The following RCAN3 variants were observed in gnomAD, a reference collection of about 807,000 sequenced individuals.
RCAN3 encodes calcipressin-3.
RCAN3 carries 19 observed loss-of-function variants against 21.9 expected under a neutral mutation model. The ratio of observed to expected loss-of-function variants is 0.87; its 90% CI spans 0.61 to 1.27. The LOEUF (loss-of-function observed/expected upper bound fraction) is 1.27. Ranked by LOEUF, RCAN3 falls within the 50% of genes most tolerant of loss-of-function variation. The probability of loss-of-function intolerance (pLI) is 0.00; values close to 1 mark genes in which losing one functional copy is unlikely to be tolerated. For synonymous variants in RCAN3, 114 were observed against 112.3 expected (o/e 1.01, Z -0.09); for missense variants, 240 against 300.1 (o/e 0.80, Z 1.48).
intron 2 of RCAN3, among the ~76,000 whole-genome samples, chr1:24,529,220 A>G (rs1350282024): frequency 6.6e-6 from 1 of 150,604 alleles, no homozygotes; most frequent in Admixed American, 6.6e-5. Flanking sequence ...CAGCCTGGGC[A>G]AGACATTGAG....
chr1:24,511,314 G>GAAACA (rs993834476), intron 1 of RCAN3, among the ~76,000 whole-genome samples: 1 of 152,016 alleles, frequency 6.6e-6, no homozygotes, highest in South Asian at 2.1e-4. Flanking sequence ...CTCCGTCTCA[G>GAAACA]AAACAAAACA....
At chr1:24,515,334 G>A (rs1040806157) in intron 2 of RCAN3, among the ~76,000 whole-genome samples, 1 of 151,852 alleles carries the variant, frequency 6.6e-6, no homozygotes, top group African/African-American at 2.4e-5. Context: ...AATTGTTCAC[G>A]TTTCTTGTAT....
At chr1:24,512,178 GTC>G (rs1254306090) in intron 1 of RCAN3, among the ~76,000 whole-genome samples, 2 of 151,950 alleles carry the variant, frequency 1.3e-5, no homozygotes, top group Non-Finnish European at 2.9e-5. Flanking sequence ...GTGAAACCCT[GTC>G]TCTACTAAAA....
intron 2 of RCAN3, among the ~76,000 whole-genome samples, chr1:24,528,453 A>G (rs931967984): frequency 6.6e-6 from 1 of 152,138 alleles, no homozygotes; most frequent in African/African-American, 2.4e-5. Flanking sequence ...TATTCTTTTT[A>G]TGAGGCATAT....
chr1:24,512,304 G>A (rs921473266), intron 1 of RCAN3, among the ~76,000 whole-genome samples: 10 of 151,202 alleles, frequency 6.6e-5, no homozygotes, highest in Admixed American at 2.6e-4. Context: ...AGCCAAGATC[G>A]TACTACTGCA....
intron 4 of RCAN3, 59 bp from the exon 5 acceptor site, chr1:24,535,034 A>G (rs1650115364): frequency 1.3e-6 from 2 of 1,530,268 alleles, no homozygotes; most frequent in East Asian, 2.3e-5. Context: ...CAAGGGACAA[A>G]AGAGTTCTTT....
intron 1 of RCAN3, among the ~76,000 whole-genome samples, chr1:24,505,243 T>C (rs553011742): frequency 7.0e-6 from 1 of 143,242 alleles, no homozygotes; most frequent in African/African-American, 2.7e-5. Flanking sequence ...TTTTTTTTTT[T>C]TTTTTTTTTT....
rs189597449 is a variant in RCAN3 at position 24,531,274 on chromosome 1, T to C, written c.252T>C (p.Phe84=). Reference sequence around the variant, plus strand: ...ATGACCAGGTTACTTTTCAGCTGTTTAAAAGCTTTAGAAGAGTCAGAATAA... The same window carrying C: ...ATGACCAGGTTACTTTTCAGCTGTTCAAAAGCTTTAGAAGAGTCAGAATAA... The part of the protein sequence containing the change: ...IYDDQVTFQL[F]KSFRRVRINF... The change falls in exon 3 of 5, where the codon TTT becomes TTC. Residue 84 remains phenylalanine, a synonymous_variant. Coordinates refer to ENST00000374395, the MANE Select transcript of RCAN3 (RefSeq NM_013441.4). 2.0e-4 allele frequency: 319 copies of C among 1,613,446 alleles called. No homozygotes were observed. Among genetic ancestry groups the C allele is most frequent in the Non-Finnish European group, 2.3e-4 (272 of 1,179,568 alleles).
intron 1 of RCAN3, among the ~76,000 whole-genome samples, chr1:24,506,002 T>G (rs1445716252): frequency 1.3e-5 from 2 of 152,204 alleles, no homozygotes; most frequent in Non-Finnish European, 2.9e-5. Flanking sequence ...TTGGAGTTTT[T>G]CCACTCATTT....
rs575796333 is a variant in RCAN3, at chr1:24,519,257, G to C, written c.195+4690G>C. Among the ~76,000 whole-genome samples the C allele has an allele frequency of 6.9e-5, 10 of 145,296 alleles. No individual in the cohort carries two copies. In the East Asian group the frequency reaches 2.0e-3, roughly 29 times the overall value. On this transcript the variant is annotated intron_variant, in intron 2 of 4. Coordinates refer to ENST00000374395, the MANE Select transcript of RCAN3 (RefSeq NM_013441.4). ...TTAAGAGACAAGGTCTTGCTATGTT[G>C]CCCAGACTGGTCTCAAACTCCTGGG...
intron 2 of RCAN3, among the ~76,000 whole-genome samples, chr1:24,514,891 C>T (rs769726824): frequency 6.6e-6 from 1 of 151,006 alleles, no homozygotes; most frequent in African/African-American, 2.4e-5. Flanking sequence ...ATCACTTGAA[C>T]TTGGGAGGCA....
chr1:24,507,279 C>T (rs551525181), intron 1 of RCAN3, among the ~76,000 whole-genome samples: 21 of 152,160 alleles, frequency 1.4e-4, no homozygotes, highest in Non-Finnish European at 2.5e-4. Context: ...TGTTCATGTC[C>T]TGCTGGCTTT....
At chr1:24,509,877 G>T (rs551481946) in intron 1 of RCAN3, among the ~76,000 whole-genome samples, 1 of 152,254 alleles carries the variant, frequency 6.6e-6, no homozygotes, top group Admixed American at 6.5e-5. Flanking sequence ...TCTTAAAATA[G>T]TAAGACTTGA....
At chr1:24,512,281 G>A (rs1171576606) in intron 1 of RCAN3, among the ~76,000 whole-genome samples, 1 of 151,552 alleles carries the variant, frequency 6.6e-6, no homozygotes, top group East Asian at 1.9e-4. Flanking sequence ...CCTGGGAGAC[G>A]AAGGTTGCAG....
chr1:24,533,406 C>T (rs1316712148), intron 4 of RCAN3, 152 bp downstream of exon 4: 9 of 563,244 alleles, frequency 1.6e-5, no homozygotes, highest in Admixed American at 4.0e-5. Flanking sequence ...TCTGCTTGCT[C>T]TGTGATCTTG....
chr1:24,528,299 ATC>A (rs1225211743), intron 2 of RCAN3, among the ~76,000 whole-genome samples: 1 of 152,090 alleles, frequency 6.6e-6, no homozygotes, highest in Non-Finnish European at 1.5e-5. Context: ...AACACAGAAA[ATC>A]TGAGACAAAC....
intron 1 of RCAN3, among the ~76,000 whole-genome samples, chr1:24,506,479 T>C (rs1483903152): frequency 1.3e-5 from 2 of 152,190 alleles, no homozygotes; most frequent in African/African-American, 4.8e-5. Context: ...ATGGGTTATA[T>C]AAGAAAATGA....
chr1:24,514,752 T>C (rs1273027621), intron 2 of RCAN3, among the ~76,000 whole-genome samples, 185 bp downstream of exon 2: 1 of 152,024 alleles, frequency 6.6e-6, no homozygotes, highest in Admixed American at 6.6e-5. Flanking sequence ...GCAGATCACC[T>C]GAGGTCAGGA....
intron 2 of RCAN3, among the ~76,000 whole-genome samples, chr1:24,518,499 A>G (rs886774017): frequency 1.3e-5 from 2 of 152,148 alleles, no homozygotes; most frequent in African/African-American, 4.8e-5. Context: ...GGAGTGCGAC[A>G]GGCTTAGTGC....
Sources: gnomAD v4.1 joint callset for allele counts (sites outside exome capture counted in the v4.1 genomes callset) on GRCh38, gnomAD v4.1.1 for gene constraint, MANE v1.5 for transcripts, NCBI Gene and HGNC (gene_info 2026-07-23, HGNC 2026-07-21) for gene names.